VPS50: variants seen among roughly 807,000 people sequenced by gnomAD.
VPS50 encodes the protein VPS50 subunit of EARP/GARPII complex, also known as syndetin.
In VPS50, 70 loss-of-function variants were observed where a neutral mutation model predicts 139.7. The ratio of observed to expected loss-of-function variants is 0.50; its 90% confidence interval spans 0.41 to 0.61. The LOEUF (loss-of-function observed/expected upper bound fraction) is 0.61. Ranked by LOEUF, VPS50 falls within the 20% of genes least tolerant of loss-of-function variation. VPS50 has a pLI of 0.00. For synonymous variants in VPS50, 365 were observed against 376.7 expected (o/e 0.97, Z 0.36); for missense variants, 921 against 1,133.7 (o/e 0.81, Z 2.69).
intron 21 of VPS50, among the ~76,000 whole-genome samples, chr7:93,331,855 A>G (rs1425989009): frequency 6.6e-6 from 1 of 152,226 alleles, no homozygotes; most frequent in Non-Finnish European, 1.5e-5. Flanking sequence ...CAAAGTGTAA[A>G]CAACTCTTAT....
chr7:93,297,669 A>G (rs1252634216), intron 16 of VPS50, among the ~76,000 whole-genome samples: 4 of 152,126 alleles, frequency 2.6e-5, no homozygotes, highest in African/African-American at 9.7e-5. Flanking sequence ...AGAGGATGTG[A>G]TATTCAGAAT....
intron 21 of VPS50, among the ~76,000 whole-genome samples, chr7:93,324,910 G>A (rs1277887421): frequency 3.9e-5 from 6 of 152,198 alleles, no homozygotes; most frequent in African/African-American, 1.2e-4. Flanking sequence ...CCATCAAGCT[G>A]CCAATGACTT....
chr7:93,325,058 A>G (rs1414641856), intron 21 of VPS50, among the ~76,000 whole-genome samples: 8 of 152,114 alleles, frequency 5.3e-5, no homozygotes, highest in African/African-American at 1.4e-4. Context: ...CTACAAGGCT[A>G]CAGTAACCAA....
intron 12 of VPS50, among the ~76,000 whole-genome samples, chr7:93,284,029 A>G (rs1584425674): frequency 6.6e-6 from 1 of 152,138 alleles, no homozygotes; most frequent in South Asian, 2.1e-4. Context: ...CAAGGCCTCT[A>G]TATTGTTCAT....
At chr7:93,297,522 C>T (rs115099610) in intron 16 of VPS50, among the ~76,000 whole-genome samples, 2 of 152,074 alleles carry the variant, frequency 1.3e-5, no homozygotes, top group African/African-American at 4.8e-5. Flanking sequence ...TCAAGGTTCA[C>T]AGAAAGAATT....
intron 25 of VPS50, among the ~76,000 whole-genome samples, chr7:93,352,689 C>T (rs1357925393): frequency 6.6e-6 from 1 of 152,042 alleles, no homozygotes; most frequent in Non-Finnish European, 1.5e-5. Flanking sequence ...CCAAAGAGAC[C>T]AAAAACACAT....
At position 93,296,818 on chromosome 7, in the gene VPS50, T is replaced by C; in HGVS notation, c.1244T>C (p.Val415Ala). Residue 415 changes from valine (V) to alanine (A), a missense_variant, in exon 15 of 28, where the codon GTT (valine) becomes GCT (alanine). Coordinates refer to ENST00000305866, the MANE Select transcript of VPS50 (RefSeq NM_017667.4). The part of the protein sequence containing the change: ...SIFKYDDFIF[V>A]LDIISRLMQV... ...TTCAAATATGATGATTTCATCTTTG[T>C]TTTGGATATAATCAGCAGGTAGTAT... 1 of 1,602,612 alleles carries C rather than the reference T, an allele frequency of 6.2e-7. No homozygotes were observed. Among genetic ancestry groups the C allele is most frequent in the Non-Finnish European group, 8.5e-7 (1 of 1,177,336 alleles).
chr7:93,311,015 T>G (rs1442734710), intron 19 of VPS50, 151 bp from the exon 20 acceptor site: 3 of 577,700 alleles, frequency 5.2e-6, no homozygotes, highest in Non-Finnish European at 9.2e-6. Context: ...GATTGTAAAT[T>G]TTATAAGAAG....
At chr7:93,311,976 A>G (rs113633279) in intron 20 of VPS50, among the ~76,000 whole-genome samples, 1 of 152,142 alleles carries the variant, frequency 6.6e-6, no homozygotes, top group Admixed American at 6.6e-5. Context: ...GTGGTTTTCC[A>G]TAAAAATCTC....
At chr7:93,349,601 TGA>T (rs1198766752) in intron 24 of VPS50, among the ~76,000 whole-genome samples, 1 of 152,138 alleles carries the variant, frequency 6.6e-6, no homozygotes, top group Non-Finnish European at 1.5e-5. Flanking sequence ...TGGAAGAATT[TGA>T]GAAGTAATTG....
intron 25 of VPS50, among the ~76,000 whole-genome samples, 192 bp downstream of exon 25, chr7:93,350,225 T>G (rs1798517967): frequency 6.6e-6 from 1 of 152,198 alleles, no homozygotes; most frequent in Admixed American, 6.5e-5. Context: ...ACGTCGTAGA[T>G]TTTTTAGCTT....
At chr7:93,237,479 A>G (rs573305429) in intron 1 of VPS50, among the ~76,000 whole-genome samples, 3 of 152,292 alleles carry the variant, frequency 2.0e-5, no homozygotes, top group African/African-American at 7.2e-5. Flanking sequence ...TTTGCCGTGT[A>G]TTGGTATTGA....
chr7:93,263,332 A>G (rs904169860), intron 9 of VPS50, among the ~76,000 whole-genome samples: 1 of 152,236 alleles, frequency 6.6e-6, no homozygotes, highest in Non-Finnish European at 1.5e-5. Context: ...AAACATTTAT[A>G]TCTATTCTAA....
chr7:93,354,395 G>A (rs1379439383), intron 26 of VPS50, among the ~76,000 whole-genome samples: 1 of 151,670 alleles, frequency 6.6e-6, no homozygotes, highest in Non-Finnish European at 1.5e-5. Flanking sequence ...CTGGGCTCAA[G>A]CAATTCTTGT....
At chr7:93,265,992 A>G (rs1439447476) in intron 9 of VPS50, among the ~76,000 whole-genome samples, 1 of 152,166 alleles carries the variant, frequency 6.6e-6, no homozygotes. Context: ...TCACATAGAC[A>G]CTTCATGGTA....
chr7:93,313,699 G>T (rs1797337772), intron 20 of VPS50, among the ~76,000 whole-genome samples: 1 of 152,152 alleles, frequency 6.6e-6, no homozygotes, highest in African/African-American at 2.4e-5. Context: ...GATCAACATA[G>T]TGGGCCTTGC....
At chr7:93,296,215 G>T (rs1796805420) in intron 14 of VPS50, among the ~76,000 whole-genome samples, 1 of 151,838 alleles carries the variant, frequency 6.6e-6, no homozygotes, top group African/African-American at 2.4e-5. Flanking sequence ...GTTGTAAGAG[G>T]TTTGACATAT....
At chr7:93,311,300 T>C (rs750865017) in intron 20 of VPS50, 28 bp downstream of exon 20, 7 of 876,530 alleles carry the variant, frequency 8.0e-6, no homozygotes, top group Admixed American at 3.7e-5. Flanking sequence ...TAAAAAAAAT[T>C]ATAACAGTTA....
At chr7:93,342,394 C>G (rs1320069660) in intron 23 of VPS50, among the ~76,000 whole-genome samples, 1 of 152,202 alleles carries the variant, frequency 6.6e-6, no homozygotes, top group Non-Finnish European at 1.5e-5. Flanking sequence ...GGCAGTGACG[C>G]TGGGGGAGGG....
Sources: allele counts gnomAD v4.1 joint callset (sites outside exome capture counted in the v4.1 genomes callset), GRCh38; gene constraint gnomAD v4.1.1; transcripts MANE v1.5; gene names NCBI Gene and HGNC (gene_info 2026-07-23, HGNC 2026-07-21).